RNF130: variants seen among roughly 807,000 people sequenced by gnomAD.
RNF130 encodes the protein ring finger protein 130.
RNF130 carries 21 observed loss-of-function variants against 44.6 expected under a neutral mutation model. The observed-to-expected ratio is 0.47, with a 90% CI of 0.33 to 0.68. The LOEUF (loss-of-function observed/expected upper bound fraction) is 0.68. RNF130 is among the 30% of genes least tolerant of loss of function. The pLI, the probability that RNF130 is intolerant of heterozygous loss-of-function variation, is 0.02. For synonymous variants in RNF130, 214 were observed against 210.4 expected (o/e 1.02, Z -0.15); for missense variants, 479 against 560.6 (o/e 0.85, Z 1.47).
chr5:179,980,617 G>C (rs1347599185), intron 3 of RNF130: 1 of 159,240 alleles, frequency 6.3e-6, no homozygotes, highest in African/African-American at 2.4e-5. Flanking sequence ...GTGTGTAAAT[G>C]CCGTCTTATT....
chr5:179,930,151 G>A (rs1416431456), intron 7 of RNF130, among the ~76,000 whole-genome samples: 1 of 151,998 alleles, frequency 6.6e-6, no homozygotes, highest in African/African-American at 2.4e-5. Context: ...TCTGCCCCCC[G>A]GGTTCAAGCG....
chr5:180,045,944 G>A (rs1168259988), intron 1 of RNF130, among the ~76,000 whole-genome samples: 1 of 152,188 alleles, frequency 6.6e-6, no homozygotes, highest in African/African-American at 2.4e-5. Flanking sequence ...GATCCCGTGC[G>A]GCATGCCCAC....
At chr5:179,969,103 T>C (rs1038112715) in intron 6 of RNF130, among the ~76,000 whole-genome samples, 2 of 152,244 alleles carry the variant, frequency 1.3e-5, no homozygotes, top group Non-Finnish European at 1.5e-5. Context: ...ACTAAACTTT[T>C]TGTTCCATAA....
intron 7 of RNF130, among the ~76,000 whole-genome samples, chr5:179,922,514 T>A (rs183942257): frequency 1.3e-5 from 2 of 151,294 alleles, no homozygotes; most frequent in Non-Finnish European, 2.9e-5. Flanking sequence ...GGTTTCACCA[T>A]GTTGGCCAGG....
intron 2 of RNF130, among the ~76,000 whole-genome samples, chr5:180,036,431 A>G (rs934107597): frequency 5.3e-5 from 8 of 152,228 alleles, no homozygotes; most frequent in Non-Finnish European, 1.5e-5. Context: ...CACTGCAAAC[A>G]GAAACTGCCA....
At chr5:180,021,992 C>T (rs910908295) in intron 2 of RNF130, among the ~76,000 whole-genome samples, 10 of 152,212 alleles carry the variant, frequency 6.6e-5, no homozygotes, top group East Asian at 1.9e-4. Context: ...TTGGCACTTT[C>T]GAAGACTACA....
downstream of RNF130, among the ~76,000 whole-genome samples, chr5:179,952,976 T>G (rs1040842179): frequency 6.6e-5 from 10 of 152,038 alleles, no homozygotes; most frequent in Admixed American, 2.0e-4. Flanking sequence ...AACAATCTAC[T>G]ATTTGAGGTT....
At chr5:179,922,728 G>C (rs575791141) in intron 7 of RNF130, among the ~76,000 whole-genome samples, 99 of 151,384 alleles carry the variant, frequency 6.5e-4, no homozygotes, top group Non-Finnish European at 1.2e-3. Context: ...CAGCTCAGGA[G>C]TTCAAGACTA....
chr5:180,010,123 T>C (rs986653598), intron 3 of RNF130, among the ~76,000 whole-genome samples: 3 of 151,814 alleles, frequency 2.0e-5, no homozygotes, highest in African/African-American at 7.3e-5. Context: ...GGCAGGCACC[T>C]GTAGTCCCAG....
chr5:179,992,158 T>C (rs1040609249), intron 3 of RNF130, among the ~76,000 whole-genome samples: 2 of 152,348 alleles, frequency 1.3e-5, no homozygotes, highest in East Asian at 1.9e-4. Context: ...GCTTTTTGTT[T>C]TGAGATGGAG....
At chr5:179,939,668 G>C in intron 7 of RNF130, 1 of 460,300 alleles carries the variant, frequency 2.2e-6, no homozygotes, top group South Asian at 1.7e-5. Context: ...CTGTGACCTA[G>C]TGATCCAAAT....
rs981287690 is a variant in RNF130, at chr5:179,920,257, A to G, written c.*60T>C. ...CTGACAGGAGAATACAAAATAAGAA[A>G]GGTGATCAGAAATCAAATCACAAAA... On this transcript the variant is annotated 3_prime_UTR_variant, in exon 8 of 8. Transcript: ENST00000522208. The G allele has an allele frequency of 4.5e-6, 3 of 669,950 alleles. No individual in the cohort carries two copies. The Admixed American group carries it at 6.5e-5, about 14-fold the overall frequency. 41.5% of individuals were successfully genotyped at this position (669,950 alleles called of 1,614,324 possible).
chr5:179,946,922 C>T (rs1762051175), intron 7 of RNF130, among the ~76,000 whole-genome samples: 3 of 152,120 alleles, frequency 2.0e-5, no homozygotes, highest in African/African-American at 7.2e-5. Flanking sequence ...ATCTCAGGGC[C>T]GGTTGCCACC....
chr5:180,006,229 T>C (rs1274441680), intron 3 of RNF130, among the ~76,000 whole-genome samples: 2 of 152,130 alleles, frequency 1.3e-5, no homozygotes, highest in Non-Finnish European at 2.9e-5. Context: ...TTTGGGGCCA[T>C]ATAATCCTTT....
chr5:180,003,272 G>A (rs973544400), intron 3 of RNF130, among the ~76,000 whole-genome samples: 7 of 152,124 alleles, frequency 4.6e-5, no homozygotes, highest in African/African-American at 1.4e-4. Flanking sequence ...GTGATGAGCC[G>A]TGTGAGAGCG....
chr5:180,054,418 T>C (rs1311803827), intron 1 of RNF130, among the ~76,000 whole-genome samples: 4 of 152,290 alleles, frequency 2.6e-5, no homozygotes, highest in Middle Eastern at 3.4e-3. Flanking sequence ...CACTTAGCTT[T>C]TGAGACAATG....
At chr5:180,065,729 T>C (rs925470968) in intron 1 of RNF130, among the ~76,000 whole-genome samples, 4 of 149,814 alleles carry the variant, frequency 2.7e-5, no homozygotes, top group East Asian at 2.0e-4. Context: ...CACTGCATTC[T>C]AGCCTGGGCG....
intron 1 of RNF130, among the ~76,000 whole-genome samples, chr5:180,055,647 G>A (rs1764801905): frequency 6.6e-6 from 1 of 152,136 alleles, no homozygotes; most frequent in African/African-American, 2.4e-5. Context: ...CTCAGTTACA[G>A]GATTTACAGA....
chr5:180,065,753 CTG>C (rs200798739), intron 1 of RNF130, among the ~76,000 whole-genome samples: 1,988 of 145,650 alleles, frequency 0.014, 17 homozygotes, highest in Admixed American at 0.026. Flanking sequence ...GAGTGAGACT[CTG>C]TCTCAAAAAA....
Sources: gnomAD v4.1 joint callset for allele counts (sites outside exome capture counted in the v4.1 genomes callset) on GRCh38, gnomAD v4.1.1 for gene constraint, MANE v1.5 for transcripts, NCBI Gene and HGNC (gene_info 2026-07-23, HGNC 2026-07-21) for gene names.